PACSIN2: variants seen among roughly 807,000 people sequenced by gnomAD.
The protein encoded by PACSIN2 is protein kinase C and casein kinase substrate in neurons 2.
PACSIN2 carries 25 observed loss-of-function variants against 63.8 expected under a neutral mutation model. The ratio of observed to expected loss-of-function variants is 0.39; its 90% CI spans 0.29 to 0.55. PACSIN2 has a LOEUF of 0.55. PACSIN2 is among the 20% of genes least tolerant of loss of function. The pLI, the probability that PACSIN2 is intolerant of heterozygous loss-of-function variation, is 0.62. For missense variants in PACSIN2, 518 were observed against 646.9 expected, an observed-to-expected ratio of 0.80 and a Z score of 2.16; for synonymous variants, 255 against 256.2, an observed-to-expected ratio of 1.00 and a Z score of 0.05.
chr22:42,895,798 G>A (rs114693902), intron 2 of PACSIN2, among the ~76,000 whole-genome samples: 1,613 of 152,352 alleles, frequency 0.011, 21 homozygotes, highest in African/African-American at 0.036. Context: ...CAGAGCCAAC[G>A]GGAGAAGGGC....
At chr22:42,888,872 T>C (rs1405171396) in intron 4 of PACSIN2, 74 bp from the exon 5 acceptor site, 22 of 1,467,032 alleles carry the variant, frequency 1.5e-5, no homozygotes, top group South Asian at 6.9e-5. Context: ...ACACAGACCA[T>C]GGGAATGCTT....
chr22:42,941,332 T>C (rs907010766), intron 1 of PACSIN2, among the ~76,000 whole-genome samples: 5 of 152,396 alleles, frequency 3.3e-5, no homozygotes, highest in South Asian at 4.1e-4. Context: ...TTTTCCGCTA[T>C]TAATAGTGCT....
intron 1 of PACSIN2, among the ~76,000 whole-genome samples, chr22:42,938,867 GCTGT>G (rs150384603): frequency 0.015 from 2,256 of 152,328 alleles, 51 homozygotes; most frequent in African/African-American, 0.051. Flanking sequence ...AGGTAAAAAT[GCTGT>G]CTGTGACAAA....
chr22:42,909,537 C>T (rs747390848), intron 2 of PACSIN2: 63 of 470,998 alleles, frequency 1.3e-4, no homozygotes, highest in South Asian at 1.1e-4. Context: ...AGAAGGCGGA[C>T]GACCACAGCA....
intron 1 of PACSIN2, among the ~76,000 whole-genome samples, chr22:42,997,678 A>G (rs1034376787): frequency 9.2e-5 from 14 of 152,094 alleles, no homozygotes; most frequent in Non-Finnish European, 1.3e-4. Flanking sequence ...TTTGCATGAA[A>G]TTCTCATGTA....
chr22:42,875,040 C>T (rs561806192), intron 10 of PACSIN2, among the ~76,000 whole-genome samples: 6 of 151,600 alleles, frequency 4.0e-5, no homozygotes, highest in East Asian at 3.9e-4. Flanking sequence ...TTAGTAGAGA[C>T]GGGGTTTCAC....
At chr22:42,980,567 G>C (rs986336667) in intron 1 of PACSIN2, among the ~76,000 whole-genome samples, 4 of 130,718 alleles carry the variant, frequency 3.1e-5, no homozygotes, top group African/African-American at 1.2e-4. Flanking sequence ...CTGCCATCTC[G>C]GCTCACTGCA....
At chr22:42,947,122 G>C (rs1933457831) in intron 1 of PACSIN2, 1 of 152,254 alleles carries the variant, frequency 6.6e-6, no homozygotes, top group Non-Finnish European at 1.5e-5. Flanking sequence ...GCCCAGATGA[G>C]ACAGAAAGAT....
At chr22:42,930,367 T>C (rs1337120639) in intron 1 of PACSIN2, among the ~76,000 whole-genome samples, 1 of 152,192 alleles carries the variant, frequency 6.6e-6, no homozygotes, top group Admixed American at 6.5e-5. Context: ...GTTTGGGCCC[T>C]GGACACACTC....
chr22:42,943,700 T>C (rs1933278737), intron 1 of PACSIN2, among the ~76,000 whole-genome samples: 1 of 152,186 alleles, frequency 6.6e-6, no homozygotes, highest in Admixed American at 6.5e-5. Flanking sequence ...TGACATTATA[T>C]ATTTTGATGA....
chr22:42,971,985 G>A lies in PACSIN2; in HGVS notation c.-78+43036C>T, dbSNP rs1243531222. 2.6e-5 allele frequency among the ~76,000 whole-genome samples: 4 copies of A among 152,114 alleles called. No homozygotes were observed. The East Asian group carries it at 5.8e-4, about 22-fold the overall frequency. ...TGGGAGGTGAGGAGCCCCTCTGCCC[G>A]GCCGCCACCCCGTCTGGGAGGTGTA... On this transcript the variant is annotated intron_variant, in intron 1 of 10. Transcript: ENST00000263246.
intron 1 of PACSIN2, among the ~76,000 whole-genome samples, chr22:43,009,939 G>A (rs557182095): frequency 1.3e-4 from 19 of 143,828 alleles, no homozygotes; most frequent in Non-Finnish European, 1.9e-4. Context: ...GCACAATCTC[G>A]GCTCACTGCA....
At chr22:42,949,677 T>C (rs961156061) in intron 1 of PACSIN2, among the ~76,000 whole-genome samples, 5 of 150,126 alleles carry the variant, frequency 3.3e-5, no homozygotes, top group Non-Finnish European at 5.9e-5. Flanking sequence ...CACACACACA[T>C]ACACTCACAC....
intron 4 of PACSIN2, 88 bp downstream of exon 4, chr22:42,890,857 GGC>G: frequency 1.0e-6 from 1 of 995,222 alleles, no homozygotes; most frequent in Non-Finnish European, 1.5e-6. Context: ...TACAGCCAGT[GGC>G]AGGAAGTCCT....
At chr22:42,982,888 A>AAAAAAAAAAAAAAAAAAAAAACAAC (rs759532303) in intron 1 of PACSIN2, among the ~76,000 whole-genome samples, 6 of 105,144 alleles carry the variant, frequency 5.7e-5, no homozygotes, top group Non-Finnish European at 1.0e-4. Context: ...AAAAAAAAAA[A>AAAAAAAAAAAAAAAAAAAAAACAAC]AACAACAACA....
In PACSIN2 at chr22:43,006,924, G is replaced by A. The variant is rs531866216; in HGVS notation, c.-78+8097C>T. Among the ~76,000 whole-genome samples, 36 of 152,258 alleles carry A rather than the reference G, an allele frequency of 2.4e-4. No individual in the cohort carries two copies. The South Asian group carries it at 3.7e-3, about 16-fold the overall frequency. ...GTCAAGGCTGAGGCCATTCCCACTC[G>A]AAAAGCCCTTCTCATTAGAGTGGAG... is the stretch of plus-strand genomic sequence containing the variant. On this transcript the variant is annotated intron_variant, in intron 1 of 10. Coordinates refer to ENST00000263246, the MANE Select transcript of PACSIN2 (RefSeq NM_001184970.3).
chr22:42,939,078 A>G (rs1184106399), intron 1 of PACSIN2, among the ~76,000 whole-genome samples: 1 of 152,144 alleles, frequency 6.6e-6, no homozygotes, highest in Non-Finnish European at 1.5e-5. Flanking sequence ...CCCCAAGGTC[A>G]CCCGTCCCAG....
intron 1 of PACSIN2, among the ~76,000 whole-genome samples, chr22:42,989,339 A>G (rs1922846985): frequency 1.3e-5 from 2 of 152,044 alleles, no homozygotes; most frequent in Admixed American, 6.5e-5. Context: ...TCTACTAAAA[A>G]TACAAAAAAT....
At chr22:42,971,781 C>CGCCCCATCCGGGAGGGAGGTGGGGGGCA (rs1921303224) in intron 1 of PACSIN2, among the ~76,000 whole-genome samples, 5 of 76,532 alleles carry the variant, frequency 6.5e-5, no homozygotes, top group Admixed American at 1.7e-4. Context: ...CCCGGCCAGC[C>CGCCCCATCCGGGAGGGAGGTGGGGGGCA]GCCCCATCCG....
Sources: allele counts gnomAD v4.1 joint callset (sites outside exome capture counted in the v4.1 genomes callset), GRCh38; gene constraint gnomAD v4.1.1; transcripts MANE v1.5; gene names NCBI Gene and HGNC (gene_info 2026-07-23, HGNC 2026-07-21).